Variants in LRRC7 observed in about 807,000 individuals in gnomAD.
The protein encoded by LRRC7 is leucine-rich repeat-containing protein 7.
In LRRC7, 23 loss-of-function variants were observed where a neutral mutation model predicts 175.7. That is an observed-to-expected ratio of 0.13 (90% CI 0.09 to 0.19). The LOEUF is 0.19. Ranked by LOEUF, LRRC7 falls within the 10% of genes least tolerant of loss-of-function variation. The probability of loss-of-function intolerance (pLI) is 1.00; values close to 1 mark genes in which losing one functional copy is unlikely to be tolerated. For synonymous variants in LRRC7, 685 were observed against 680.9 expected (o/e 1.01, Z -0.09); for missense variants, 1,354 against 1,904.7 (o/e 0.71, Z 5.38).
At chr1:69,801,084 C>A (rs1676427352) in intron 4 of LRRC7, among the ~76,000 whole-genome samples, 1 of 151,196 alleles carries the variant, frequency 6.6e-6, no homozygotes, top group Admixed American at 6.6e-5. Flanking sequence ...TGAATAAAAC[C>A]AACTTGATCT....
At chr1:69,604,107 A>T (rs2101005317) in intron 1 of LRRC7, among the ~76,000 whole-genome samples, 1 of 152,214 alleles carries the variant, frequency 6.6e-6, no homozygotes, top group African/African-American at 2.4e-5. Flanking sequence ...TGGGGAAATG[A>T]TTTGTATGCT....
intron 1 of LRRC7, among the ~76,000 whole-genome samples, chr1:69,661,544 G>A (rs1291702074): frequency 5.9e-5 from 9 of 152,090 alleles, no homozygotes; most frequent in African/African-American, 2.2e-4. Flanking sequence ...TTTACTCTGA[G>A]TGGTCAGCAC....
intron 7 of LRRC7, among the ~76,000 whole-genome samples, chr1:69,881,678 AC>A (rs1295155452): frequency 3.3e-5 from 5 of 151,782 alleles, no homozygotes; most frequent in Non-Finnish European, 1.5e-5. Flanking sequence ...AGAGTTCAAG[AC>A]TAGTCTGGGC....
At chr1:69,860,217 G>A (rs1455339501) in intron 7 of LRRC7, among the ~76,000 whole-genome samples, 4 of 151,524 alleles carry the variant, frequency 2.6e-5, no homozygotes, top group Non-Finnish European at 5.9e-5. Flanking sequence ...TTTTTGTTTG[G>A]ATCTTTTTTT....
intron 4 of LRRC7, among the ~76,000 whole-genome samples, chr1:69,814,131 T>A (rs536563455): frequency 2.0e-5 from 3 of 152,244 alleles, no homozygotes; most frequent in Admixed American, 1.3e-4. Context: ...GGGCTTTATT[T>A]GTCTAATGAC....
intron 8 of LRRC7, among the ~76,000 whole-genome samples, chr1:69,954,659 T>C (rs1368752959): frequency 6.6e-6 from 1 of 152,100 alleles, no homozygotes; most frequent in African/African-American, 2.4e-5. Flanking sequence ...GACTGGGTAA[T>C]GTGAATTCAA....
intron 4 of LRRC7, among the ~76,000 whole-genome samples, chr1:69,812,654 T>C (rs1445325256): frequency 6.6e-6 from 1 of 152,154 alleles, no homozygotes; most frequent in Non-Finnish European, 1.5e-5. Context: ...TCATTAGGAC[T>C]TTTGTCTTTA....
chr1:69,702,579 G>GA (rs1258754001), intron 2 of LRRC7, among the ~76,000 whole-genome samples: 2 of 151,844 alleles, frequency 1.3e-5, no homozygotes, highest in Non-Finnish European at 2.9e-5. Context: ...TTGGGAAGGG[G>GA]AAAAAATGGG....
rs1383832323 is a variant in LRRC7 at position 70,133,228 on chromosome 1, G to C, written c.*11341G>C. Among the ~76,000 whole-genome samples, 3 of 151,964 alleles carry C rather than the reference G, an allele frequency of 2.0e-5. No homozygotes were observed. The highest frequency in any genetic ancestry group is 1.5e-5 in the Non-Finnish European group (1 of 67,962). ...TTTGTTGTTGTCGTGGGTGTTTTTTGTTTGTTTGTATTGAGACAGTGTCGC... is the reference window on the plus strand; with the variant it reads ...TTTGTTGTTGTCGTGGGTGTTTTTTCTTTGTTTGTATTGAGACAGTGTCGC... On this transcript the variant is annotated 3_prime_UTR_variant, in exon 27 of 27. Coordinates refer to ENST00000651989, the MANE Select transcript of LRRC7 (RefSeq NM_001370785.2).
chr1:70,024,722 A>G (rs1366995559), intron 17 of LRRC7, among the ~76,000 whole-genome samples: 3 of 152,066 alleles, frequency 2.0e-5, no homozygotes, highest in Admixed American at 2.0e-4. Flanking sequence ...TTGCTCTTAT[A>G]TTTGGGTATT....
At chr1:69,820,713 A>G (rs1679186085) in intron 4 of LRRC7, among the ~76,000 whole-genome samples, 1 of 151,576 alleles carries the variant, frequency 6.6e-6, no homozygotes, top group East Asian at 1.9e-4. Flanking sequence ...ATAGATGCAT[A>G]GTATTCCATG....
chr1:70,111,049 T>TA (rs1202356682), intron 26 of LRRC7, among the ~76,000 whole-genome samples: 1 of 152,014 alleles, frequency 6.6e-6, no homozygotes, highest in Non-Finnish European at 1.5e-5. Context: ...AGAATTGAAG[T>TA]AAAAGAAGAG....
At chr1:69,727,835 G>A (rs540877591) in intron 2 of LRRC7, among the ~76,000 whole-genome samples, 14 of 152,258 alleles carry the variant, frequency 9.2e-5, no homozygotes, top group Non-Finnish European at 2.1e-4. Context: ...ATAATCTTAT[G>A]TTCATAAATA....
At position 70,133,850 on chromosome 1, in the gene LRRC7, C is replaced by G. The variant is rs2102274918; in HGVS notation, c.*11963C>G. On this transcript the variant is annotated 3_prime_UTR_variant, in exon 27 of 27. Coordinates refer to ENST00000651989, the MANE Select transcript of LRRC7 (RefSeq NM_001370785.2). ...CTCCTATCTCCCATTATTTTAGCCACACTTCCTTCAGGTATGCCCATTCCA... is the reference window on the plus strand; with the variant it reads ...CTCCTATCTCCCATTATTTTAGCCAGACTTCCTTCAGGTATGCCCATTCCA... 6.6e-6 allele frequency among the ~76,000 whole-genome samples: 1 copy of G among 152,326 alleles called. No homozygotes were observed. Among genetic ancestry groups the G allele is most frequent in the Admixed American group, 6.5e-5 (1 of 15,308 alleles).
intron 1 of LRRC7, among the ~76,000 whole-genome samples, chr1:69,637,080 TTCTC>T (rs375663007): frequency 2.0e-4 from 30 of 148,670 alleles, no homozygotes; most frequent in Admixed American, 1.6e-3. Context: ...CCTTCTCTCT[TTCTC>T]TCTCTCTCTC....
At chr1:69,786,576 A>T (rs1352686456) in intron 3 of LRRC7, among the ~76,000 whole-genome samples, 4 of 152,252 alleles carry the variant, frequency 2.6e-5, no homozygotes, top group African/African-American at 9.6e-5. Flanking sequence ...TTATGGTTCT[A>T]CGTGGCTGGG....
chr1:69,848,292 G>A (rs1389271308), intron 7 of LRRC7, among the ~76,000 whole-genome samples: 1 of 152,012 alleles, frequency 6.6e-6, no homozygotes, highest in Admixed American at 6.6e-5. Flanking sequence ...CAACTGTCAA[G>A]TAAGCAACTG....
intron 4 of LRRC7, among the ~76,000 whole-genome samples, chr1:69,806,173 A>G (rs552900031): frequency 6.6e-6 from 1 of 152,118 alleles, no homozygotes; most frequent in Non-Finnish European, 1.5e-5. Flanking sequence ...ATGTCCAGGC[A>G]TAGTGAGTGC....
At chr1:69,636,196 A>G (rs1653327666) in intron 1 of LRRC7, among the ~76,000 whole-genome samples, 1 of 152,020 alleles carries the variant, frequency 6.6e-6, no homozygotes, top group African/African-American at 2.4e-5. Context: ...TTGTGTTTTC[A>G]GGTCATGCAA....
Sources: gnomAD v4.1 joint callset for allele counts (sites outside exome capture counted in the v4.1 genomes callset) on GRCh38, gnomAD v4.1.1 for gene constraint, MANE v1.5 for transcripts, NCBI Gene and HGNC (gene_info 2026-07-23, HGNC 2026-07-21) for gene names.